Variants in ELN observed in about 807,000 individuals in gnomAD.
The protein encoded by ELN is tropoelastin.
A neutral mutation model predicts 105.8 loss-of-function variants in ELN; 65 were observed. The ratio of observed to expected loss-of-function variants is 0.61; its 90% CI spans 0.50 to 0.75. The LOEUF is 0.75. Ranked by LOEUF, ELN falls within the 30% of genes least tolerant of loss-of-function variation. ELN has a pLI of 0.00. For synonymous variants in ELN, 368 were observed against 389.2 expected, an observed-to-expected ratio of 0.95 and a Z score of 0.64; for missense variants, 882 against 969.4, an observed-to-expected ratio of 0.91 and a Z score of 1.20.
At chr7:74,028,519 C>G (rs1020063862) in intron 1 of ELN, among the ~76,000 whole-genome samples, 2 of 152,310 alleles carry the variant, frequency 1.3e-5, no homozygotes, top group Admixed American at 6.5e-5. Flanking sequence ...TGCTGCCCTG[C>G]GAGGGCTGAG....
rs782808026 is a variant in ELN, at chr7:74,043,161, A to G, written c.420A>G (p.Lys140=). 2 of 1,601,282 alleles carry G rather than the reference A, an allele frequency of 1.2e-6. No individual in the cohort carries two copies. Among genetic ancestry groups the G allele is most frequent in the South Asian group, 2.2e-5 (2 of 89,614 alleles). Residue 140 remains lysine, a synonymous_variant, in exon 8 of 33, where the codon AAA becomes AAG. Transcript: ENST00000252034. Reference sequence around the variant, plus strand: ...CTGGAGCCGGAGTGAAGCCTGGGAAAGTGCCGGGTCAGTGCGGAATCCCTG... The same window carrying G: ...CTGGAGCCGGAGTGAAGCCTGGGAAGGTGCCGGGTCAGTGCGGAATCCCTG... ...PQPGAGVKPG[K]VPGVGLPGVY...
In ELN at chr7:74,048,025, TG is replaced by T. The variant is rs1792971010; in HGVS notation, c.686-112del. ...TGTTTGTATTTGTTTTCACTCTGGCTGGGGGTGACAGGTGCAGACTCAGGAC... is the reference window on the plus strand; with the variant it reads ...TGTTTGTATTTGTTTTCACTCTGGCTGGGGTGACAGGTGCAGACTCAGGAC... On this transcript the variant is annotated intron_variant, in intron 13 of 32. Transcript: ENST00000252034. 5 of 1,261,566 alleles carry T rather than the reference TG, an allele frequency of 4.0e-6. No individual in the cohort carries two copies. The East Asian group carries it at 9.3e-5, about 23-fold the overall frequency. 78.1% of individuals were successfully genotyped at this position (1,261,566 alleles called of 1,614,324 possible). A position where few individuals can be genotyped will look rare whatever the true frequency, so the allele number is the denominator to read the frequency against.
Position 74,063,521 on chromosome 7 carries a change from C to G in ELN, c.1919-100C>G. 6.2e-7 allele frequency: 1 copy of G among 1,610,034 alleles called. No individual in the cohort carries two copies. The highest frequency in any genetic ancestry group is 2.2e-5 in the East Asian group (1 of 44,824). On this transcript the variant is annotated intron_variant, in intron 28 of 32. Transcript: ENST00000252034. The surrounding 1 kb of genome is among the most constrained non-coding windows in gnomAD (Gnocchi z 4.1). ...ATCGAAGGCCAGGGGAGACCTCAGG[C>G]TCCACCTGTGTCCCCAGAGGACACC... is the stretch of plus-strand genomic sequence containing the variant.
chr7:74,049,694 A>G (rs1554674762), intron 15 of ELN, among the ~76,000 whole-genome samples: 1 of 148,906 alleles, frequency 6.7e-6, no homozygotes, highest in African/African-American at 2.5e-5. Flanking sequence ...TCATCCTTCC[A>G]TCCATCCATC....
rs782018201 is a variant in ELN at position 74,063,315 on chromosome 7, G to A, written c.1864G>A (p.Gly622Arg). The A allele has an allele frequency of 2.5e-5, 39 of 1,550,628 alleles. No homozygotes were observed. The highest frequency in any genetic ancestry group is 2.9e-5 in the Non-Finnish European group (33 of 1,148,272). The change falls in exon 28 of 33, where the codon GGA becomes AGA. Residue 622 changes from glycine (G) to arginine (R), a missense_variant. Transcript: ENST00000252034. This position sits in a 1 kb window ranked among gnomAD's most constrained non-coding sequence, Gnocchi z 4.1. ...VGIPGGVVGA[G>R]PAAAAAAAKA... is the part of the protein sequence containing the mutation. ...AACTCGGTCTGTGTTCCCAGGAGCCGGACCCGCCGCCGCCGCTGCCGCAGC... is the reference window on the plus strand; with the variant it reads ...AACTCGGTCTGTGTTCCCAGGAGCCAGACCCGCCGCCGCCGCTGCCGCAGC...
chr7:74,059,844 G>C (rs564743866), intron 22 of ELN, 42 bp from the exon 23 acceptor site: 34 of 930,218 alleles, frequency 3.7e-5, no homozygotes, highest in Middle Eastern at 2.1e-4. Context: ...TGTCCTCTTT[G>C]ATCAGGTCTT....
intron 3 of ELN, among the ~76,000 whole-genome samples, chr7:74,037,417 C>T (rs925145903): frequency 1.3e-5 from 2 of 152,140 alleles, no homozygotes; most frequent in East Asian, 3.9e-4. Flanking sequence ...TGGTCTCAAA[C>T]TCCTGACCTC....
At chr7:74,054,211 T>C (rs1198161513) in intron 18 of ELN, among the ~76,000 whole-genome samples, 2 of 152,090 alleles carry the variant, frequency 1.3e-5, no homozygotes, top group Admixed American at 6.5e-5. Flanking sequence ...CTCACGCCTA[T>C]AATCTCAGCA....
intron 10 of ELN, 169 bp from the exon 11 acceptor site, chr7:74,046,019 G>C: frequency 1.1e-6 from 1 of 875,826 alleles, no homozygotes; most frequent in Non-Finnish European, 1.8e-6. Context: ...TGGGCGACAA[G>C]AGCGAAACTC....
chr7:74,046,668 C>T, intron 11 of ELN, 28 bp from the exon 12 acceptor site: 1 of 1,613,738 alleles, frequency 6.2e-7, no homozygotes, highest in Non-Finnish European at 8.5e-7. Flanking sequence ...GGTGCTGGGA[C>T]CTGAACTTGC....
At chr7:74,044,584 C>T (rs987313736) in intron 9 of ELN, among the ~76,000 whole-genome samples, 3 of 152,186 alleles carry the variant, frequency 2.0e-5, no homozygotes, top group Non-Finnish European at 2.9e-5. Context: ...CTGCAGGAGA[C>T]CCTAAAGAGC....
chr7:74,044,499 C>T (rs970852389), intron 9 of ELN, among the ~76,000 whole-genome samples: 2 of 152,278 alleles, frequency 1.3e-5, no homozygotes, highest in African/African-American at 2.4e-5. Flanking sequence ...GGCGGGCCCC[C>T]GAGGACAGAT....
chr7:74,063,479 C>G lies in ELN; in HGVS notation c.1918+110C>G, dbSNP rs561374001. 214 of 1,601,196 alleles carry G rather than the reference C, an allele frequency of 1.3e-4. No individual in the cohort carries two copies. In the South Asian group the frequency reaches 2.2e-3, roughly 17 times the overall value. ...CTCAGAGTCCCTGCCCCAGACACCT[C>G]CTGGCTCCACTGTGCCATCGAAGGC... is the stretch of plus-strand genomic sequence containing the variant. On this transcript the variant is annotated intron_variant, in intron 28 of 32. Coordinates refer to ENST00000252034, the MANE Select transcript of ELN (RefSeq NM_000501.4). This position sits in a 1 kb window ranked among gnomAD's most constrained non-coding sequence, Gnocchi z 4.1.
At chr7:74,055,911 C>G (rs543790681) in intron 19 of ELN, among the ~76,000 whole-genome samples, 1 of 152,192 alleles carries the variant, frequency 6.6e-6, no homozygotes, top group African/African-American at 2.4e-5. Context: ...CTCAGCCTCC[C>G]ATATAACTGG....
At chr7:74,044,071 C>CCAG in intron 9 of ELN, 151 bp downstream of exon 9, 1 of 1,069,112 alleles carries the variant, frequency 9.4e-7, no homozygotes, top group East Asian at 2.6e-5. Flanking sequence ...CATAGTAAGG[C>CCAG]CCTCGTCTCT....
chr7:74,056,982 A>G (rs1039871499), intron 21 of ELN, among the ~76,000 whole-genome samples: 1 of 151,430 alleles, frequency 6.6e-6, no homozygotes, highest in Non-Finnish European at 1.5e-5. Flanking sequence ...TGATGCCTGT[A>G]ATCCCAGCAC....
rs781859711 is a variant in ELN at position 74,065,733 on chromosome 7, G to A, written c.2032+1G>A. ...GCAGCCGCTAAAGCAGCTAAATACG[G>A]TGAGTTCCCCTCTGATGCCTTCCTG... On this transcript the variant is annotated splice_donor_variant, in intron 30 of 32. Transcript: ENST00000252034. LOFTEE classifies it high-confidence loss of function. 4 of 1,613,864 alleles carry A rather than the reference G, an allele frequency of 2.5e-6. No individual in the cohort carries two copies. In the East Asian group the frequency reaches 6.7e-5, roughly 27 times the overall value.
chr7:74,059,539 C>G (rs959775930), intron 22 of ELN: 13 of 389,996 alleles, frequency 3.3e-5, no homozygotes, highest in South Asian at 1.3e-4. Flanking sequence ...AAAAAATTAG[C>G]CGGGCATGGT....
At chr7:74,031,152 A>G (rs1788564212) in intron 1 of ELN, among the ~76,000 whole-genome samples, 1 of 152,208 alleles carries the variant, frequency 6.6e-6, no homozygotes, top group Non-Finnish European at 1.5e-5. Flanking sequence ...CCTGGAGCCC[A>G]GGGCCCAGGC....
Sources: allele counts gnomAD v4.1 joint callset (sites outside exome capture counted in the v4.1 genomes callset), GRCh38; gene constraint gnomAD v4.1.1; non-coding constraint Gnocchi (gnomAD v3.1); transcripts MANE v1.5; gene names NCBI Gene and HGNC (gene_info 2026-07-23, HGNC 2026-07-21).